GNG12: variants seen among roughly 807,000 people sequenced by gnomAD.
GNG12 encodes the protein G protein subunit gamma 12, also known as guanine nucleotide-binding protein G(I)/G(S)/G(O) subunit gamma-12.
For synonymous variants in GNG12, 28 were observed against 29.7 expected, an observed-to-expected ratio of 0.94 and a Z score of 0.19; for missense variants, 69 against 83.8, an observed-to-expected ratio of 0.82 and a Z score of 0.69.
chr1:67,797,189 A>G (rs531606994), intron 1 of GNG12, among the ~76,000 whole-genome samples: 67 of 152,294 alleles, frequency 4.4e-4, no homozygotes, highest in Non-Finnish European at 7.1e-4. Context: ...CCACATTTCA[A>G]TCCCTGGCTC....
chr1:67,789,270 CAT>C (rs1377187695), intron 1 of GNG12, among the ~76,000 whole-genome samples: 20 of 152,176 alleles, frequency 1.3e-4, no homozygotes, highest in African/African-American at 4.8e-4. Context: ...AGAATCCTGA[CAT>C]AGGAATGGAT....
chr1:67,825,591 A>C (rs1647006666), intron 1 of GNG12, among the ~76,000 whole-genome samples: 1 of 152,218 alleles, frequency 6.6e-6, no homozygotes, highest in Non-Finnish European at 1.5e-5. Context: ...AGTTTGTGGT[A>C]CCTTTGATAA....
At chr1:67,830,268 G>A (rs1647035653) in intron 1 of GNG12, among the ~76,000 whole-genome samples, 1 of 152,202 alleles carries the variant, frequency 6.6e-6, no homozygotes, top group Non-Finnish European at 1.5e-5. Context: ...GCCTCCCAAA[G>A]TGCTGGGATT....
chr1:67,790,991 T>C (rs919344890), intron 1 of GNG12, among the ~76,000 whole-genome samples: 5 of 152,210 alleles, frequency 3.3e-5, no homozygotes, highest in Admixed American at 3.3e-4. Flanking sequence ...AGATTTTTCA[T>C]AAATGAAAAA....
At chr1:67,798,624 G>T (rs1646845993) in intron 1 of GNG12, among the ~76,000 whole-genome samples, 1 of 151,828 alleles carries the variant, frequency 6.6e-6, no homozygotes. Context: ...AATATGATGA[G>T]GAGGAAGACC....
At chr1:67,788,419 C>A (rs1382987592) in intron 1 of GNG12, among the ~76,000 whole-genome samples, 1 of 152,064 alleles carries the variant, frequency 6.6e-6, no homozygotes, top group East Asian at 1.9e-4. Context: ...TTCCCTGCAG[C>A]CCCTACCTCC....
At chr1:67,821,801 AGTGGCAC>A (rs1461885068) in intron 1 of GNG12, among the ~76,000 whole-genome samples, 2 of 144,662 alleles carry the variant, frequency 1.4e-5, no homozygotes, top group South Asian at 2.3e-4. Context: ...CACATAGAAT[AGTGGCAC>A]ATAGAATAAT....
chr1:67,754,551 G>C (rs1053823838), intron 2 of GNG12, among the ~76,000 whole-genome samples: 32 of 152,168 alleles, frequency 2.1e-4, no homozygotes, highest in African/African-American at 7.5e-4. Flanking sequence ...CTGTAGCACA[G>C]CCATGGCTGT....
At chr1:67,799,220 C>T (rs1000461591) in intron 1 of GNG12, among the ~76,000 whole-genome samples, 3 of 152,050 alleles carry the variant, frequency 2.0e-5, no homozygotes, top group Non-Finnish European at 2.9e-5. Context: ...CTGTGTTGTT[C>T]GAGGGTCAAC....
chr1:67,768,952 C>T (rs1646656770), intron 2 of GNG12, among the ~76,000 whole-genome samples: 2 of 152,136 alleles, frequency 1.3e-5, no homozygotes, highest in African/African-American at 4.8e-5. Flanking sequence ...ATCTGAGCTT[C>T]TGTCTCTAAT....
chr1:67,815,889 C>T (rs1250081971), intron 1 of GNG12, among the ~76,000 whole-genome samples: 6 of 152,120 alleles, frequency 3.9e-5, no homozygotes, highest in South Asian at 2.1e-4. Context: ...GAGTACACTC[C>T]GGCAGCAAGA....
At chr1:67,814,644 C>T (rs902682181) in intron 1 of GNG12, among the ~76,000 whole-genome samples, 10 of 152,184 alleles carry the variant, frequency 6.6e-5, no homozygotes, top group African/African-American at 1.7e-4. Context: ...TTCTGATTCT[C>T]GAGCTTTACA....
At chr1:67,772,533 T>C (rs1164415320) in intron 2 of GNG12, 2 of 152,214 alleles carry the variant, frequency 1.3e-5, no homozygotes, top group Non-Finnish European at 2.9e-5. Context: ...TCCCTCCTTC[T>C]GGTACCAACA....
intron 2 of GNG12, among the ~76,000 whole-genome samples, chr1:67,715,594 C>T (rs1020761906): frequency 6.6e-6 from 1 of 152,166 alleles, no homozygotes; most frequent in African/African-American, 2.4e-5. Flanking sequence ...TGAGAAGCTG[C>T]ATGGCTGCAG....
At chr1:67,716,445 G>T (rs1253536232) in intron 2 of GNG12, among the ~76,000 whole-genome samples, 1 of 152,288 alleles carries the variant, frequency 6.6e-6, no homozygotes, top group East Asian at 1.9e-4. Flanking sequence ...TCTGTGCCAG[G>T]TAAGTAAATT....
chr1:67,717,216 T>C (rs1646330548), intron 2 of GNG12, among the ~76,000 whole-genome samples: 1 of 152,148 alleles, frequency 6.6e-6, no homozygotes, highest in Admixed American at 6.5e-5. Context: ...AAAATGTCAA[T>C]TTAAAAGGAC....
intron 1 of GNG12, among the ~76,000 whole-genome samples, chr1:67,784,518 A>C (rs1024532901): frequency 1.4e-5 from 1 of 72,922 alleles, no homozygotes; most frequent in African/African-American, 4.4e-5. Context: ...AATTTCTATT[A>C]AAAAAAAAGA....
At chr1:67,822,326 G>T (rs1646989073) in intron 1 of GNG12, among the ~76,000 whole-genome samples, 1 of 151,872 alleles carries the variant, frequency 6.6e-6, no homozygotes, top group South Asian at 2.1e-4. Context: ...CCAAGGAATG[G>T]CTGACATGAC....
At chr1:67,712,506 A>G (rs1402678173) in intron 2 of GNG12, among the ~76,000 whole-genome samples, 1 of 152,214 alleles carries the variant, frequency 6.6e-6, no homozygotes, top group Non-Finnish European at 1.5e-5. Context: ...GCCTGGGAAC[A>G]TAGTAAAAAC....
Sources: allele counts gnomAD v4.1 joint callset (sites outside exome capture counted in the v4.1 genomes callset), GRCh38; gene constraint gnomAD v4.1.1; transcripts MANE v1.5; gene names NCBI Gene and HGNC (gene_info 2026-07-23, HGNC 2026-07-21).